Variants in NFIB observed in about 807,000 individuals in gnomAD.
NFIB encodes the protein nuclear factor 1 B-type.
A neutral mutation model predicts 61.5 loss-of-function variants in NFIB; 11 were observed. That is an observed-to-expected ratio of 0.18 (90% CI 0.11 to 0.30). The LOEUF (loss-of-function observed/expected upper bound fraction) is 0.30, where lower values mean the gene tolerates loss of function less well. Among genes scored for constraint, NFIB ranks in the 10% least tolerant of loss-of-function variants. The probability of loss-of-function intolerance (pLI) is 1.00; values close to 1 mark genes in which losing one functional copy is unlikely to be tolerated. For missense variants in NFIB, 471 were observed against 608.9 expected (o/e 0.77, Z 2.38); for synonymous variants, 260 against 216.5 (o/e 1.20, Z -1.76).
rs2060384625 is a variant in NFIB, at chr9:14,313,389, A to G, written c.30+93T>C. 1 of 1,562,538 alleles carries G rather than the reference A, an allele frequency of 6.4e-7. No individual in the cohort carries two copies. On this transcript the variant is annotated intron_variant, in intron 1 of 10. Transcript: ENST00000380953. This position sits in a 1 kb window ranked among gnomAD's most constrained non-coding sequence, Gnocchi z 4.5. ...TTCTCCAAGGGACGGGGATGTGCGG[A>G]GGTTAACTCAAGCCGCTAATTGTCC...
At chr9:14,518,898 T>C in the NFIB span, among the ~76,000 whole-genome samples, 1 of 151,946 alleles carries the variant, frequency 6.6e-6, no homozygotes, top group Admixed American at 6.6e-5. Context: ...CACTGGGAGA[T>C]GGGGGATTCC....
chr9:14,502,667 G>A, the NFIB span, among the ~76,000 whole-genome samples: 3 of 151,906 alleles, frequency 2.0e-5, no homozygotes, highest in Non-Finnish European at 4.4e-5. Context: ...CAGATTTGCT[G>A]GTAAGGAATC....
At chr9:14,184,115 C>T (rs1000701578) in intron 2 of NFIB, among the ~76,000 whole-genome samples, 1 of 152,022 alleles carries the variant, frequency 6.6e-6, no homozygotes, top group African/African-American at 2.4e-5. Flanking sequence ...AAGGAGTGAG[C>T]AGTTTTTCCT....
chr9:14,363,373 C>T lies in NFIB; in HGVS notation c.108+35151G>A, dbSNP rs562850782. Among the ~76,000 whole-genome samples, 13 of 152,202 alleles carry T rather than the reference C, an allele frequency of 8.5e-5. No homozygotes were observed. The East Asian group carries it at 2.3e-3, about 27-fold the overall frequency. ...ACACTCTACTGTGGGCTAATTATTA[C>T]AATGGCTTATAGAATCTAGAGACCA... is the stretch of plus-strand genomic sequence containing the variant. On this transcript the variant is annotated intron_variant, in intron 1 of 8. Transcript: ENST00000380934.
chr9:14,262,975 A>T (rs1016886684), intron 2 of NFIB, among the ~76,000 whole-genome samples: 2 of 152,140 alleles, frequency 1.3e-5, no homozygotes, highest in Non-Finnish European at 2.9e-5. Flanking sequence ...ATCTGTTTAA[A>T]CTGTTTCTAG....
chr9:14,305,898 G>C (rs905306046), intron 2 of NFIB: 2 of 1,014,470 alleles, frequency 2.0e-6, no homozygotes, highest in Non-Finnish European at 2.6e-6. Flanking sequence ...ATCTGTGACA[G>C]CTCAAACTTC....
At chr9:14,175,975 T>C (rs960789088) in intron 3 of NFIB, among the ~76,000 whole-genome samples, 2 of 152,154 alleles carry the variant, frequency 1.3e-5, no homozygotes, top group South Asian at 4.1e-4. Context: ...CATTCTAGGA[T>C]TAGTCAAGGG....
intron 1 of NFIB, among the ~76,000 whole-genome samples, chr9:14,376,856 T>A (rs1163285005): frequency 6.6e-6 from 1 of 152,064 alleles, no homozygotes; most frequent in Admixed American, 6.6e-5. Flanking sequence ...GAGAAAGTTA[T>A]TACTCATTCA....
chr9:14,505,263 T>C, the NFIB span, among the ~76,000 whole-genome samples: 1 of 152,198 alleles, frequency 6.6e-6, no homozygotes, highest in Non-Finnish European at 1.5e-5. Context: ...AGCTAGTATA[T>C]TGTTGAGGAT....
rs536671673 is a variant in NFIB at position 14,196,503 on chromosome 9, C to T, written c.563-16723G>A. ...CCCTACTCTCCCCAGCAGCAGCACA[C>T]TGGACACCTGAGAAGCCAAAAGCGC... On this transcript the variant is annotated intron_variant, in intron 2 of 10. Coordinates refer to ENST00000380953, the MANE Select transcript of NFIB (RefSeq NM_001190737.2). Among the ~76,000 whole-genome samples the T allele has an allele frequency of 1.3e-3, 196 of 152,104 alleles. 2 individuals carry two copies. Among genetic ancestry groups the T allele is most frequent in the Non-Finnish European group, 2.5e-3 (170 of 68,020 alleles).
chr9:14,458,056 C>A, the NFIB span, among the ~76,000 whole-genome samples: 1 of 152,032 alleles, frequency 6.6e-6, no homozygotes, highest in Non-Finnish European at 1.5e-5. Flanking sequence ...CTGACAGAGA[C>A]ACAACAAAAA....
At chr9:14,454,368 A>G in the NFIB span, among the ~76,000 whole-genome samples, 1 of 152,234 alleles carries the variant, frequency 6.6e-6, no homozygotes, top group African/African-American at 2.4e-5. Flanking sequence ...AATTCTGCTC[A>G]TCTTGGTCAA....
At chr9:14,449,077 T>C in the NFIB span, among the ~76,000 whole-genome samples, 2 of 152,228 alleles carry the variant, frequency 1.3e-5, no homozygotes, top group African/African-American at 4.8e-5. Flanking sequence ...AAAAATTTGA[T>C]GCAATTTGAT....
intron 2 of NFIB, among the ~76,000 whole-genome samples, chr9:14,215,705 T>C (rs2050784998): frequency 6.6e-6 from 1 of 152,240 alleles, no homozygotes; most frequent in African/African-American, 2.4e-5. Context: ...AAAACCAGTC[T>C]AGCTTCCTAT....
chr9:14,500,292 C>A, the NFIB span, among the ~76,000 whole-genome samples: 1 of 152,128 alleles, frequency 6.6e-6, no homozygotes, highest in Admixed American at 6.5e-5. Context: ...TTCCCTAAGA[C>A]GTTAAGTGGG....
At chr9:14,429,101 G>A in the NFIB span, among the ~76,000 whole-genome samples, 1 of 152,186 alleles carries the variant, frequency 6.6e-6, no homozygotes, top group African/African-American at 2.4e-5. Context: ...GAGCTTAGGT[G>A]AAGACATGCA....
At chr9:14,167,814 G>A (rs1433876803) in intron 3 of NFIB, among the ~76,000 whole-genome samples, 1 of 152,064 alleles carries the variant, frequency 6.6e-6, no homozygotes, top group African/African-American at 2.4e-5. Context: ...CCTCATTCAT[G>A]GTCAAGTGAA....
At chr9:14,315,911 G>C (rs988207002), upstream of NFIB, among the ~76,000 whole-genome samples, 1 of 151,608 alleles carries the variant, frequency 6.6e-6, no homozygotes, top group Non-Finnish European at 1.5e-5. Flanking sequence ...GGTCCTCGCG[G>C]GCCCATCCCC....
chr9:14,388,410 AGG>A (rs2133023395), intron 1 of NFIB, among the ~76,000 whole-genome samples: 4 of 135,610 alleles, frequency 2.9e-5, no homozygotes, highest in Non-Finnish European at 6.1e-5. Flanking sequence ...GAAGGAAGGA[AGG>A]AAGGAAGGAA....
Sources: gnomAD v4.1 joint callset for allele counts (sites outside exome capture counted in the v4.1 genomes callset) on GRCh38, gnomAD v4.1.1 for gene constraint, Gnocchi (gnomAD v3.1) non-coding constraint, MANE v1.5 for transcripts, NCBI Gene and HGNC (gene_info 2026-07-23, HGNC 2026-07-21) for gene names.